Variants in PAX6 observed in about 807,000 individuals in gnomAD.
PAX6 encodes the protein paired box 6.
A neutral mutation model predicts 60.7 loss-of-function variants in PAX6; 7 were observed. That is an observed-to-expected ratio of 0.12 (90% CI 0.07 to 0.22). The LOEUF (loss-of-function observed/expected upper bound fraction) is 0.22, where lower values mean the gene tolerates loss of function less well. Among genes scored for constraint, PAX6 ranks in the 10% least tolerant of loss-of-function variants. PAX6 has a pLI of 1.00. For missense variants in PAX6, 355 were observed against 555.2 expected (o/e 0.64, Z 3.62); for synonymous variants, 208 against 201.2 (o/e 1.03, Z -0.29).
chr11:31,810,986 G>A lies in PAX6; in HGVS notation c.-287C>T. ...AGAGTTTTCTCCACGGATGTTGCTG[G>A]GTTGGTGTGTGAGAGCAATTCTCAG... On this transcript the variant is annotated 5_prime_UTR_variant, in exon 2 of 14. Transcript: ENST00000640368. The A allele has an allele frequency of 2.5e-6, 1 of 399,304 alleles. No homozygotes were observed. 24.7% of individuals were successfully genotyped at this position (399,304 alleles called of 1,614,324 possible).
chr11:31,790,115 A>AAC lies in PAX6; in HGVS notation c.1226-97_1226-96insGT, dbSNP rs1373628173. 3.9e-4 allele frequency: 306 copies of AAC among 791,904 alleles called. 4 individuals carry two copies. In the African/African-American group the frequency reaches 5.0e-3, roughly 13 times the overall value. The allele number at this position is 791,904 out of a possible 1,614,324, so 49.1% of individuals were successfully genotyped here. Reference sequence around the variant, plus strand: ...AGGTTTACAAAAAAAAAAAAAAAAAAAAAAACTAATACTTTCTAACATTTT... The same window carrying AAC: ...AGGTTTACAAAAAAAAAAAAAAAAAAACAAAAACTAATACTTTCTAACATTTT... On this transcript the variant is annotated intron_variant, in intron 13 of 13. Transcript: ENST00000640368.
At chr11:31,793,864 C>T (rs552059234) in intron 10 of PAX6, 62 bp from the exon 11 acceptor site, 16 of 1,585,836 alleles carry the variant, frequency 1.0e-5, no homozygotes, top group East Asian at 8.9e-5. Context: ...CACCTTGGCA[C>T]CTCCACTGCT....
At chr11:31,790,111 A>AAAAAAAAAAAAAAAT in intron 13 of PAX6, 92 bp from the exon 14 acceptor site, 1 of 802,490 alleles carries the variant, frequency 1.2e-6, no homozygotes, top group Non-Finnish European at 2.0e-6. Context: ...AAAAAAAAAA[A>AAAAAAAAAAAAAAAT]AAAAAAAAAC....
chr11:31,790,559 A>G (rs1949564806), intron 13 of PAX6, 151 bp downstream of exon 13: 26 of 1,522,482 alleles, frequency 1.7e-5, no homozygotes, highest in African/African-American at 2.7e-5. Flanking sequence ...TAATTAGCTT[A>G]ACTGAATTTC....
At chr11:31,796,600 T>C (rs1049173789) in intron 8 of PAX6, among the ~76,000 whole-genome samples, 1 of 42,576 alleles carries the variant, frequency 2.3e-5, no homozygotes, top group East Asian at 7.9e-4. Context: ...GCGGTGGGGG[T>C]GGAAGCAAGG....
intron 7 of PAX6, 171 bp from the exon 8 acceptor site, chr11:31,801,027 T>C: frequency 1.1e-5 from 9 of 805,230 alleles, no homozygotes; most frequent in Admixed American, 4.1e-5. Context: ...ATGATAGCTA[T>C]CACTTTGGGC....
chr11:31,793,285 G>A (rs1026732927), intron 12 of PAX6, 153 bp downstream of exon 12: 1 of 725,986 alleles, frequency 1.4e-6, no homozygotes. Flanking sequence ...AAAGTGATGG[G>A]ATTGACTGTC....
intron 3 of PAX6, 108 bp downstream of exon 3, chr11:31,806,741 A>G (rs1180106438): frequency 1.9e-5 from 7 of 363,148 alleles, no homozygotes; most frequent in African/African-American, 1.2e-4. Context: ...CGATGCCCCA[A>G]TTTTGATTTA....
At chr11:31,791,065 T>C (rs1313371601) in intron 12 of PAX6, 6 of 685,744 alleles carry the variant, frequency 8.7e-6, no homozygotes, top group Non-Finnish European at 1.6e-5. Flanking sequence ...AAGCTGCCTA[T>C]GTATCAAGCC....
rs36004875 is a variant in PAX6 at position 31,797,507 on chromosome 11, G to GAAA, written c.566-2722_566-2720dup. ...ACAGTAGAGCTCAATTTTAAATCTGGAAAAAAAAAAAAAAAAAAAAAAGAT... is the reference window on the plus strand; with the variant it reads ...ACAGTAGAGCTCAATTTTAAATCTGGAAAAAAAAAAAAAAAAAAAAAAAAAGAT... On this transcript the variant is annotated intron_variant, in intron 8 of 13. Coordinates refer to ENST00000640368, the MANE Select transcript of PAX6 (RefSeq NM_001368894.2). 7.2e-3 allele frequency among the ~76,000 whole-genome samples: 726 copies of GAAA among 101,318 alleles called. 5 individuals are homozygous for GAAA. Among genetic ancestry groups the GAAA allele is most frequent in the African/African-American group, 0.01 (271 of 26,376 alleles). 66.5% of individuals were successfully genotyped at this position (101,318 alleles called of 152,430 possible). A position where few individuals can be genotyped will look rare whatever the true frequency, so the allele number is the denominator to read the frequency against.
chr11:31,800,755 G>T lies in PAX6; in HGVS notation c.501C>A (p.Thr167=), dbSNP rs201200280. The part of the protein sequence containing the change: ...YDKLRMLNGQ[T]GSWGTRPGWY... ...AACCAGGGCGGGTGCCCCAGCTTCC[G>T]GTCTGCCCGTTCAACATCCTTAGTT... Residue 167 remains threonine, a synonymous_variant, in exon 8 of 14, where the codon ACC becomes ACA. Transcript: ENST00000640368. 6.2e-7 allele frequency: 1 copy of T among 1,614,178 alleles called. No individual in the cohort carries two copies. The highest frequency in any genetic ancestry group is 8.5e-7 in the Non-Finnish European group (1 of 1,180,036).
At chr11:31,803,993 G>C (rs927307086) in intron 4 of PAX6, 1 of 152,176 alleles carries the variant, frequency 6.6e-6, no homozygotes, top group Non-Finnish European at 1.5e-5. Context: ...AGGAAAAGAC[G>C]TGGCTCCCTG....
chr11:31,803,085 A>C (rs1954648678), intron 4 of PAX6: 5 of 515,796 alleles, frequency 9.7e-6, no homozygotes, highest in African/African-American at 4.9e-5. Flanking sequence ...ACCACCAGCC[A>C]TGCCAGACAT....
At chr11:31,815,647 G>C (rs1293188104), upstream of PAX6, among the ~76,000 whole-genome samples, 2 of 152,010 alleles carry the variant, frequency 1.3e-5, no homozygotes, top group African/African-American at 4.8e-5. Flanking sequence ...ACCCCAGTAA[G>C]AGTTAATCTG....
intron 2 of PAX6, chr11:31,807,973 T>C (rs1804327929): frequency 6.6e-6 from 1 of 151,958 alleles, no homozygotes; most frequent in African/African-American, 2.4e-5. Flanking sequence ...GTTGTAAATA[T>C]CTGGAGGTAA....
At chr11:31,799,047 G>A (rs1230530290) in intron 8 of PAX6, among the ~76,000 whole-genome samples, 2 of 152,262 alleles carry the variant, frequency 1.3e-5, no homozygotes, top group Admixed American at 6.5e-5. Flanking sequence ...CCAGACTCTT[G>A]TCAGGGGAGG....
intron 9 of PAX6, 23 bp downstream of exon 9, chr11:31,794,607 T>C: frequency 1.2e-6 from 2 of 1,613,930 alleles, no homozygotes; most frequent in South Asian, 1.1e-5. Flanking sequence ...TTACTGCTTC[T>C]CTACTTTGAA....
At chr11:31,812,579 C>G (rs1337791645), upstream of PAX6, 1 of 152,436 alleles carries the variant, frequency 6.6e-6, no homozygotes, top group Admixed American at 6.5e-5. Flanking sequence ...CACCTCAGTA[C>G]ACTCCAAAGG....
intron 8 of PAX6, among the ~76,000 whole-genome samples, chr11:31,799,616 G>A (rs1952874831): frequency 6.6e-6 from 1 of 152,172 alleles, no homozygotes; most frequent in South Asian, 2.1e-4. Context: ...AGTGACAGAA[G>A]CATCCTTTGT....
Sources: allele counts gnomAD v4.1 joint callset (sites outside exome capture counted in the v4.1 genomes callset), GRCh38; gene constraint gnomAD v4.1.1; transcripts MANE v1.5; gene names NCBI Gene and HGNC (gene_info 2026-07-23, HGNC 2026-07-21).